The following CLMN variants were observed in gnomAD, a reference collection of about 807,000 sequenced individuals.
CLMN encodes the protein calmin (calponin-like, transmembrane).
CLMN carries 57 observed loss-of-function variants against 92.7 expected under a neutral mutation model. That is an observed-to-expected ratio of 0.61 (90% CI 0.50 to 0.77). CLMN has a LOEUF of 0.77. Ranked by LOEUF, CLMN falls within the 30% of genes least tolerant of loss-of-function variation. The pLI, the probability that CLMN is intolerant of heterozygous loss-of-function variation, is 0.00. For missense variants in CLMN, 1,158 were observed against 1,237.5 expected, an observed-to-expected ratio of 0.94 and a Z score of 0.96; for synonymous variants, 466 against 470.6, an observed-to-expected ratio of 0.99 and a Z score of 0.13.
At position 95,294,150 on chromosome 14, in the gene CLMN, T is replaced by C. The variant is rs1956123; in HGVS notation, c.82+25561A>G. Reference sequence around the variant, plus strand: ...TGCAGTCAGCCTGCCTGCCAAAGAATGGGTGGGGGAGTGGGCTGGATTCAC... The same window carrying C: ...TGCAGTCAGCCTGCCTGCCAAAGAACGGGTGGGGGAGTGGGCTGGATTCAC... On this transcript the variant is annotated intron_variant, in intron 1 of 12. Transcript: ENST00000298912. The surrounding 1 kb of genome is among the most constrained non-coding windows in gnomAD (Gnocchi z 4.2). Among the ~76,000 whole-genome samples, 57,909 of 152,016 alleles carry C rather than the reference T, an allele frequency of 0.38. 11,263 individuals carry two copies. The highest frequency in any genetic ancestry group is 0.6 in the East Asian group (3,109 of 5,162).
chr14:95,228,111 C>T (rs539574302), intron 2 of CLMN, among the ~76,000 whole-genome samples: 63 of 152,052 alleles, frequency 4.1e-4, no homozygotes, highest in African/African-American at 1.3e-3. Context: ...TGAGTGGGTG[C>T]GGGTATATTC....
Position 95,203,992 on chromosome 14 carries a change from C to A in CLMN, c.1357G>T (p.Ala453Ser), listed in dbSNP as rs558487957. 3.1e-6 allele frequency: 5 copies of A among 1,614,170 alleles called. No individual in the cohort carries two copies. In the African/African-American group the frequency reaches 5.3e-5, roughly 17 times the overall value. ...SLCFEGSPRV[A>S]KESLRQDGHV... ...CCATCCTGCCTCAATGATTCCTTTG[C>A]CACTCTTGGGCTCCCTTCAAAGCAA... Residue 453 changes from alanine to serine, a missense_variant, in exon 9 of 13, where the codon GCA becomes TCA. By Grantham distance (99) the Ala-to-Ser change is moderately conservative. Coordinates refer to ENST00000298912, the MANE Select transcript of CLMN (RefSeq NM_024734.4).
chr14:95,266,319 C>T (rs1899473134), intron 1 of CLMN, among the ~76,000 whole-genome samples: 1 of 152,026 alleles, frequency 6.6e-6, no homozygotes, highest in Non-Finnish European at 1.5e-5. Context: ...CTAAAGACTC[C>T]ACCAAAAAAT....
chr14:95,245,263 ATATATAT>A (rs1308702163), intron 1 of CLMN, among the ~76,000 whole-genome samples: 12 of 42,674 alleles, frequency 2.8e-4, no homozygotes, highest in African/African-American at 1.6e-3. Flanking sequence ...TAATATATAT[ATATATAT>A]TATATATATA....
chr14:95,317,986 C>T (rs368005468), intron 1 of CLMN, among the ~76,000 whole-genome samples: 2 of 152,156 alleles, frequency 1.3e-5, no homozygotes, highest in African/African-American at 2.4e-5. Flanking sequence ...TCCTACCCAA[C>T]CTCCAGGACC....
intron 9 of CLMN, among the ~76,000 whole-genome samples, chr14:95,201,949 T>C (rs1896896870): frequency 6.6e-6 from 1 of 152,266 alleles, no homozygotes; most frequent in Non-Finnish European, 1.5e-5. Context: ...ATGGTATATA[T>C]GTACCACATT....
At chr14:95,291,639 C>T (rs998288228) in intron 1 of CLMN, among the ~76,000 whole-genome samples, 3 of 152,300 alleles carry the variant, frequency 2.0e-5, no homozygotes, top group East Asian at 1.9e-4. Context: ...GCTGAGCGTA[C>T]GTTATTCAGA....
Position 95,203,022 on chromosome 14 carries a change from C to A in CLMN, c.2327G>T (p.Gly776Val). The A allele has an allele frequency of 6.2e-7, 1 of 1,614,082 alleles. No homozygotes were observed. Among genetic ancestry groups the A allele is most frequent in the Non-Finnish European group, 8.5e-7 (1 of 1,179,996 alleles). Residue 776 changes from glycine (G) to valine (V), a missense_variant, in exon 9 of 13, where the codon GGC (glycine) becomes GTC (valine). Coordinates refer to ENST00000298912, the MANE Select transcript of CLMN (RefSeq NM_024734.4). ...DLDSREEEAD[G>V]SQSSSSSSVP... ...CGAGGAACTGGAGCTGCTCTGAGAG[C>A]CATCGGCCTCCTCCTCCCTGGAGTC... is the stretch of plus-strand genomic sequence containing the variant.
chr14:95,306,223 G>A (rs1451780310), intron 1 of CLMN, among the ~76,000 whole-genome samples: 1 of 152,152 alleles, frequency 6.6e-6, no homozygotes, highest in Non-Finnish European at 1.5e-5. Context: ...CTCAAGAAGA[G>A]AGAACTAGCC....
At chr14:95,247,155 G>A (rs79195144) in intron 1 of CLMN, among the ~76,000 whole-genome samples, 1 of 152,244 alleles carries the variant, frequency 6.6e-6, no homozygotes, top group East Asian at 1.9e-4. Flanking sequence ...ATCCATCCCT[G>A]ATTGGATGGG....
At chr14:95,280,673 T>C (rs1227192986) in intron 1 of CLMN, among the ~76,000 whole-genome samples, 1 of 152,224 alleles carries the variant, frequency 6.6e-6, no homozygotes, top group African/African-American at 2.4e-5. Flanking sequence ...AGTCCAAAAG[T>C]ATTTGGCTTA....
In CLMN at chr14:95,194,165, T is replaced by C; in HGVS notation, c.2770-246A>G. On this transcript the variant is annotated intron_variant, in intron 11 of 12. Transcript: ENST00000298912. The surrounding 1 kb of genome is among the most constrained non-coding windows in gnomAD (Gnocchi z 4.0). ...CGGAACCCGGATTGGGGTGTGCTGC[T>C]CCGGGTTCTAACACATCTGCTACTG... The C allele has an allele frequency of 7.1e-7, 1 of 1,407,092 alleles. No individual in the cohort carries two copies. The highest frequency in any genetic ancestry group is 9.2e-7 in the Non-Finnish European group (1 of 1,086,444). The allele number at this position is 1,407,092 out of a possible 1,614,324, so 87.2% of individuals were successfully genotyped here.
chr14:95,277,637 CT>C, intron 1 of CLMN, among the ~76,000 whole-genome samples: 1 of 152,194 alleles, frequency 6.6e-6, no homozygotes, highest in East Asian at 1.9e-4. Flanking sequence ...CTTTCTTTCT[CT>C]TTTTTTGGAG....
intron 1 of CLMN, among the ~76,000 whole-genome samples, chr14:95,244,984 T>A (rs568673122): frequency 7.3e-4 from 76 of 104,372 alleles, no homozygotes; most frequent in African/African-American, 2.5e-3. Flanking sequence ...CACATATATG[T>A]GTATACACAC....
intron 1 of CLMN, among the ~76,000 whole-genome samples, chr14:95,243,836 T>C (rs1403538395): frequency 6.6e-6 from 1 of 151,964 alleles, no homozygotes; most frequent in African/African-American, 2.4e-5. Context: ...CTGATATGGT[T>C]TGGATTTGTG....
Position 95,204,362 on chromosome 14 carries a change from A to T in CLMN, c.987T>A (p.Thr329=), listed in dbSNP as rs748721241. The change falls in exon 9 of 13, where the codon ACT becomes ACA. Residue 329 remains threonine, a synonymous_variant. Coordinates refer to ENST00000298912, the MANE Select transcript of CLMN (RefSeq NM_024734.4). The part of the protein sequence containing the change: ...SEQESKVFVL[T]ENGERTYTVN... ...CAGTGTAGGTACGCTCCCCATTTTC[A>T]GTCAGAACGAAGACTTTGCTCTCCT... The T allele has an allele frequency of 1.2e-6, 2 of 1,613,988 alleles. No individual in the cohort carries two copies. Among genetic ancestry groups the T allele is most frequent in the African/African-American group, 2.7e-5 (2 of 74,872 alleles).
At chr14:95,211,649 TAAAA>T (rs540566941) in intron 6 of CLMN, among the ~76,000 whole-genome samples, 1 of 130,142 alleles carries the variant, frequency 7.7e-6, no homozygotes, top group Non-Finnish European at 1.6e-5. Context: ...TAAACGCTCT[TAAAA>T]AAAAAAAAAA....
chr14:95,191,345 T>A lies in CLMN; in HGVS notation c.*219A>T. 2 of 383,738 alleles carry A rather than the reference T, an allele frequency of 5.2e-6. No homozygotes were observed. The highest frequency in any genetic ancestry group is 6.1e-5 in the South Asian group (1 of 16,520). 23.8% of individuals were successfully genotyped at this position (383,738 alleles called of 1,614,324 possible). On this transcript the variant is annotated 3_prime_UTR_variant, in exon 13 of 13. Transcript: ENST00000298912. The surrounding 1 kb of genome is among the most constrained non-coding windows in gnomAD (Gnocchi z 5.3). Reference sequence around the variant, plus strand: ...CTACGGATCCAGCTGCATGCCTGAGTTTTGAGTACACAGCCAAAGAAAAAA... The same window carrying A: ...CTACGGATCCAGCTGCATGCCTGAGATTTGAGTACACAGCCAAAGAAAAAA...
rs918699455 is a variant in CLMN at position 95,183,635 on chromosome 14, G to C, written c.*7929C>G. The C allele has an allele frequency of 6.6e-6, 1 of 152,238 alleles. No individual in the cohort carries two copies. Among genetic ancestry groups the C allele is most frequent in the Non-Finnish European group, 1.5e-5 (1 of 68,046 alleles). 9.4% of individuals were successfully genotyped at this position (152,238 alleles called of 1,614,324 possible). A position where few individuals can be genotyped will look rare whatever the true frequency, so the allele number is the denominator to read the frequency against. On this transcript the variant is annotated 3_prime_UTR_variant, in exon 13 of 13. Coordinates refer to ENST00000298912, the MANE Select transcript of CLMN (RefSeq NM_024734.4). ...GTGAAGTACGTGTTAGAGGTGCAGA[G>C]ATGAGCAGCTGGGGGCAGGATGTAT...
Sources: gnomAD v4.1 joint callset for allele counts (sites outside exome capture counted in the v4.1 genomes callset) on GRCh38, gnomAD v4.1.1 for gene constraint, Gnocchi (gnomAD v3.1) non-coding constraint, MANE v1.5 for transcripts, NCBI Gene and HGNC (gene_info 2026-07-23, HGNC 2026-07-21) for gene names.